The following CNTN4 variants were observed in gnomAD, a reference collection of about 807,000 sequenced individuals.
The protein encoded by CNTN4 is contactin 4, also known as contactin-4.
A neutral mutation model predicts 122.5 loss-of-function variants in CNTN4; 77 were observed. The ratio of observed to expected loss-of-function variants is 0.63; its 90% confidence interval spans 0.52 to 0.76. CNTN4 has a LOEUF of 0.76. CNTN4 is among the 30% of genes least tolerant of loss of function. The pLI, the probability that CNTN4 is intolerant of heterozygous loss-of-function variation, is 0.00. For synonymous variants in CNTN4, 512 were observed against 447.0 expected (o/e 1.15, Z -1.83); for missense variants, 1,256 against 1,259.1 (o/e 1.00, Z 0.04).
At position 2,653,173 on chromosome 3, in the gene CNTN4, A is replaced by G. The variant is rs146748849; in HGVS notation, c.55+81615A>G. ...AATACATGTGAAAGCTTTTTTAAAA[A>G]TTGTAAATCTCCACAATTTTTAAAA... On this transcript the variant is annotated intron_variant, in intron 4 of 24. Coordinates refer to ENST00000418658, the MANE Select transcript of CNTN4 (RefSeq NM_175607.3). 3.9e-4 allele frequency among the ~76,000 whole-genome samples: 60 copies of G among 152,254 alleles called. No homozygotes were observed. In the East Asian group the frequency reaches 7.7e-3, roughly 20 times the overall value.
intron 2 of CNTN4, among the ~76,000 whole-genome samples, chr3:2,107,777 G>T (rs2032577406): frequency 6.6e-6 from 1 of 152,098 alleles, no homozygotes; most frequent in Admixed American, 6.5e-5. Flanking sequence ...GGAAGGGAGT[G>T]GGGGTTTTAT....
chr3:2,807,768 A>G (rs892049331), intron 6 of CNTN4, among the ~76,000 whole-genome samples: 1 of 152,172 alleles, frequency 6.6e-6, no homozygotes, highest in African/African-American at 2.4e-5. Context: ...CTGAGTACAG[A>G]GTGAAGAGTC....
intron 2 of CNTN4, among the ~76,000 whole-genome samples, chr3:2,313,147 G>A (rs2042972695): frequency 6.6e-6 from 1 of 151,696 alleles, no homozygotes; most frequent in Non-Finnish European, 1.5e-5. Flanking sequence ...ACAAAAAATA[G>A]AAAACAACAG....
chr3:2,400,088 T>G (rs2046783715), intron 3 of CNTN4, among the ~76,000 whole-genome samples: 1 of 151,974 alleles, frequency 6.6e-6, no homozygotes. Flanking sequence ...GTAACTTCTA[T>G]AGGTGGATAT....
intron 14 of CNTN4, among the ~76,000 whole-genome samples, chr3:3,010,193 G>A (rs1289184472): frequency 6.6e-6 from 1 of 151,994 alleles, no homozygotes; most frequent in Non-Finnish European, 1.5e-5. Flanking sequence ...GGGAGGGTTA[G>A]TCACCTGGAT....
At position 2,270,182 on chromosome 3, in the gene CNTN4, C is replaced by T. The variant is rs1347517568; in HGVS notation, c.-144-68996C>T. On this transcript the variant is annotated intron_variant, in intron 2 of 24. Coordinates refer to ENST00000418658, the MANE Select transcript of CNTN4 (RefSeq NM_175607.3). ...GCCAGGATGGTCTCGATCTCCTGACCTCATGATCCACCCGCCTCGGCCTCC... is the reference window on the plus strand; with the variant it reads ...GCCAGGATGGTCTCGATCTCCTGACTTCATGATCCACCCGCCTCGGCCTCC... Among the ~76,000 whole-genome samples, 2 of 38,702 alleles carry T rather than the reference C, an allele frequency of 5.2e-5. 1 individual carries two copies. Among genetic ancestry groups the T allele is most frequent in the African/African-American group, 1.2e-4 (2 of 16,784 alleles). 25.4% of individuals were successfully genotyped at this position (38,702 alleles called of 152,430 possible). A position where few individuals can be genotyped will look rare whatever the true frequency, so the allele number is the denominator to read the frequency against.
intron 3 of CNTN4, among the ~76,000 whole-genome samples, chr3:2,520,501 T>C (rs1360017693): frequency 6.6e-6 from 1 of 151,964 alleles, no homozygotes; most frequent in African/African-American, 2.4e-5. Flanking sequence ...CTCGAACTCC[T>C]GACCTCTGGT....
chr3:2,160,558 C>T (rs1035597994), intron 2 of CNTN4, among the ~76,000 whole-genome samples: 4 of 152,158 alleles, frequency 2.6e-5, no homozygotes, highest in Admixed American at 2.0e-4. Flanking sequence ...ACATCAACTG[C>T]GTGACATCTA....
At chr3:3,043,533 C>G in intron 22 of CNTN4, 59 bp from the exon 23 acceptor site, 1 of 1,279,540 alleles carries the variant, frequency 7.8e-7, no homozygotes, top group Non-Finnish European at 1.1e-6. Flanking sequence ...AGGAGATATT[C>G]CTCAGAATCC....
At chr3:2,920,230 C>G (rs542281416) in intron 12 of CNTN4, among the ~76,000 whole-genome samples, 10 of 150,804 alleles carry the variant, frequency 6.6e-5, no homozygotes, top group Non-Finnish European at 1.5e-4. Flanking sequence ...ACATATGTAT[C>G]TAAAACATTC....
At chr3:2,176,832 C>A (rs944917860) in intron 2 of CNTN4, among the ~76,000 whole-genome samples, 1 of 152,066 alleles carries the variant, frequency 6.6e-6, no homozygotes, top group Non-Finnish European at 1.5e-5. Flanking sequence ...AAGAAATAAA[C>A]ATCACTTCAA....
At chr3:2,828,965 C>G (rs148874907) in intron 7 of CNTN4, among the ~76,000 whole-genome samples, 49 of 152,218 alleles carry the variant, frequency 3.2e-4, no homozygotes, top group African/African-American at 1.2e-3. Context: ...TCTCAAACTC[C>G]TGGCCTCAAG....
At position 2,663,890 on chromosome 3, in the gene CNTN4, G is replaced by A. The variant is rs190501045; in HGVS notation, c.56-72325G>A. On this transcript the variant is annotated intron_variant, in intron 4 of 24. Coordinates refer to ENST00000418658, the MANE Select transcript of CNTN4 (RefSeq NM_175607.3). ...AAAACATACTAAGTAAAAGAGTCCT[G>A]TCCAAAAAGACCACATATTGTCTGA... Among the ~76,000 whole-genome samples the A allele has an allele frequency of 8.1e-4, 123 of 152,224 alleles. 1 individual carries two copies. The highest frequency in any genetic ancestry group is 2.9e-3 in the African/African-American group (122 of 41,538).
chr3:3,038,448 C>T lies in CNTN4; in HGVS notation c.2093-485C>T, dbSNP rs548074327. Among the ~76,000 whole-genome samples, 138 of 152,208 alleles carry T rather than the reference C, an allele frequency of 9.1e-4. 1 individual carries two copies. The highest frequency in any genetic ancestry group is 1.5e-3 in the Non-Finnish European group (103 of 68,000). On this transcript the variant is annotated intron_variant, in intron 18 of 24. Coordinates refer to ENST00000418658, the MANE Select transcript of CNTN4 (RefSeq NM_175607.3). Reference sequence around the variant, plus strand: ...CTGAGCAGGGCGCTACTCCGGAACGCCCCCCGCTTCTCCATGCTGACTGTT... The same window carrying T: ...CTGAGCAGGGCGCTACTCCGGAACGTCCCCCGCTTCTCCATGCTGACTGTT...
intron 13 of CNTN4, chr3:2,927,148 A>C (rs1309472741): frequency 1.7e-5 from 4 of 229,786 alleles, no homozygotes; most frequent in African/African-American, 9.0e-5. Context: ...GAAAATAATA[A>C]TATGGGTATT....
chr3:2,271,750 G>C lies in CNTN4; in HGVS notation c.-144-67428G>C, dbSNP rs544318366. Among the ~76,000 whole-genome samples, 253 of 152,152 alleles carry C rather than the reference G, an allele frequency of 1.7e-3. 2 individuals carry two copies. The highest frequency in any genetic ancestry group is 5.8e-3 in the African/African-American group (239 of 41,530). On this transcript the variant is annotated intron_variant, in intron 2 of 24. Coordinates refer to ENST00000418658, the MANE Select transcript of CNTN4 (RefSeq NM_175607.3). ...CCCCAACTAAAGAATGTATCTTATT[G>C]GAGGCTAAGAATTATGAGGCAACTA...
chr3:2,904,854 C>T (rs190715247), intron 12 of CNTN4, among the ~76,000 whole-genome samples: 1 of 152,128 alleles, frequency 6.6e-6, no homozygotes, highest in Non-Finnish European at 1.5e-5. Flanking sequence ...TCTATATGAG[C>T]GCTAGCCAAT....
At chr3:2,352,405 G>C (rs1405132066) in intron 3 of CNTN4, among the ~76,000 whole-genome samples, 1 of 152,174 alleles carries the variant, frequency 6.6e-6, no homozygotes, top group African/African-American at 2.4e-5. Flanking sequence ...GAAAGGCTCG[G>C]GTGGGAACCA....
intron 7 of CNTN4, among the ~76,000 whole-genome samples, chr3:2,840,968 C>G (rs1223005616): frequency 6.6e-6 from 1 of 152,118 alleles, no homozygotes; most frequent in African/African-American, 2.4e-5. Flanking sequence ...TCCTGTTTCT[C>G]TGCTCATTGC....
Sources: allele counts gnomAD v4.1 joint callset (sites outside exome capture counted in the v4.1 genomes callset), GRCh38; gene constraint gnomAD v4.1.1; transcripts MANE v1.5; gene names NCBI Gene and HGNC (gene_info 2026-07-23, HGNC 2026-07-21).